Variants in MICU1 observed in about 807,000 individuals in gnomAD.
MICU1 encodes the protein calcium uptake protein 1, mitochondrial.
A neutral mutation model predicts 56.8 loss-of-function variants in MICU1; 45 were observed. That is an observed-to-expected ratio of 0.79 (90% confidence interval 0.62 to 1.02). The LOEUF (loss-of-function observed/expected upper bound fraction) is 1.02, where lower values mean the gene tolerates loss of function less well. MICU1 is among the 50% of genes least tolerant of loss of function. The pLI, the probability that MICU1 is intolerant of heterozygous loss-of-function variation, is 0.00. For missense variants in MICU1, 504 were observed against 587.1 expected, an observed-to-expected ratio of 0.86 and a Z score of 1.46; for synonymous variants, 186 against 195.1, an observed-to-expected ratio of 0.95 and a Z score of 0.39.
At chr10:72,411,352 G>T (rs931738350) in intron 9 of MICU1, among the ~76,000 whole-genome samples, 11 of 151,072 alleles carry the variant, frequency 7.3e-5, no homozygotes, top group Non-Finnish European at 1.5e-4. Flanking sequence ...TTTTGAGACG[G>T]AGTCTCGCTC....
At chr10:72,433,976 T>C (rs1341981247) in intron 8 of MICU1, among the ~76,000 whole-genome samples, 9 of 152,196 alleles carry the variant, frequency 5.9e-5, no homozygotes, top group Non-Finnish European at 1.0e-4. Flanking sequence ...GAATTTGGAA[T>C]AGAATGGGGG....
chr10:72,504,726 C>T (rs1168995674), intron 6 of MICU1, among the ~76,000 whole-genome samples: 1 of 152,076 alleles, frequency 6.6e-6, no homozygotes, highest in East Asian at 1.9e-4. Context: ...ACAAACTATG[C>T]ATCTGACAAT....
chr10:72,452,023 C>G (rs1865315919), intron 8 of MICU1, among the ~76,000 whole-genome samples: 1 of 151,974 alleles, frequency 6.6e-6, no homozygotes. Context: ...TGCCACCATG[C>G]CTGGCTAATT....
chr10:72,531,853 T>C (rs1443501257), intron 5 of MICU1, among the ~76,000 whole-genome samples: 1 of 151,512 alleles, frequency 6.6e-6, no homozygotes, highest in East Asian at 1.9e-4. Flanking sequence ...GATCAAACAA[T>C]AAATGAATTT....
chr10:72,619,339 G>A (rs1842048969), intron 1 of MICU1, among the ~76,000 whole-genome samples: 1 of 152,176 alleles, frequency 6.6e-6, no homozygotes, highest in South Asian at 2.1e-4. Flanking sequence ...CAGCTACTCG[G>A]GAGGCTGAGG....
intron 10 of MICU1, among the ~76,000 whole-genome samples, chr10:72,382,966 T>C (rs540489312): frequency 1.3e-5 from 2 of 152,334 alleles, no homozygotes; most frequent in Non-Finnish European, 2.9e-5. Context: ...TAGCTTTATT[T>C]TAAAAGTTGT....
intron 1 of MICU1, among the ~76,000 whole-genome samples, chr10:72,609,905 C>A (rs1427218232): frequency 6.6e-6 from 1 of 151,224 alleles, no homozygotes. Flanking sequence ...TGTGGTGGTG[C>A]GTGCCTGTAA....
intron 8 of MICU1, among the ~76,000 whole-genome samples, chr10:72,459,268 T>C (rs932855393): frequency 5.9e-5 from 9 of 151,482 alleles, no homozygotes; most frequent in Admixed American, 2.6e-4. Flanking sequence ...GAGGCGGAGG[T>C]TGCAGTGAGC....
chr10:72,612,471 C>T (rs987952681), intron 1 of MICU1, among the ~76,000 whole-genome samples: 2 of 152,004 alleles, frequency 1.3e-5, no homozygotes, highest in African/African-American at 4.8e-5. Flanking sequence ...GGAGTCATGC[C>T]AAGGCTTTGA....
At chr10:72,617,583 G>C (rs753383150) in intron 1 of MICU1, among the ~76,000 whole-genome samples, 9 of 152,136 alleles carry the variant, frequency 5.9e-5, no homozygotes, top group Non-Finnish European at 1.0e-4. Context: ...TAAAATCCCA[G>C]AATTTTGGGA....
At chr10:72,574,135 C>T (rs891311306) in intron 1 of MICU1, among the ~76,000 whole-genome samples, 2 of 152,114 alleles carry the variant, frequency 1.3e-5, no homozygotes, top group African/African-American at 4.8e-5. Flanking sequence ...CAACTATTAC[C>T]CGACACTGTT....
At chr10:72,454,853 C>T (rs1315158123) in intron 8 of MICU1, among the ~76,000 whole-genome samples, 1 of 150,828 alleles carries the variant, frequency 6.6e-6, no homozygotes, top group African/African-American at 2.4e-5. Flanking sequence ...CAAGTTGATA[C>T]ACATCTACTG....
At chr10:72,446,485 C>T (rs1865109350) in intron 8 of MICU1, among the ~76,000 whole-genome samples, 1 of 151,984 alleles carries the variant, frequency 6.6e-6, no homozygotes, top group Middle Eastern at 3.2e-3. Flanking sequence ...TGTCCGCTAC[C>T]ATGCCTGGCT....
At chr10:72,477,025 A>C in intron 7 of MICU1, 149 bp downstream of exon 7, 1 of 534,092 alleles carries the variant, frequency 1.9e-6, no homozygotes, top group Non-Finnish European at 3.2e-6. Context: ...CCACCTGTTC[A>C]AAGAATAATT....
chr10:72,551,467 T>G, intron 3 of MICU1, 126 bp from the exon 4 acceptor site: 1 of 615,100 alleles, frequency 1.6e-6, no homozygotes, highest in Non-Finnish European at 2.4e-6. Context: ...ATTCTATCAT[T>G]TTTTTCTATA....
At chr10:72,523,942 G>A in intron 5 of MICU1, 1 of 1,442,130 alleles carries the variant, frequency 6.9e-7, no homozygotes, top group Non-Finnish European at 9.1e-7. Flanking sequence ...GTCTTTCTAG[G>A]TGTCCCATTT....
chr10:72,442,337 T>C (rs2132186067), intron 8 of MICU1, among the ~76,000 whole-genome samples: 1 of 151,978 alleles, frequency 6.6e-6, no homozygotes, highest in Middle Eastern at 3.4e-3. Context: ...AGAGATAGGG[T>C]TTCACCATGT....
At chr10:72,385,068 C>A (rs560604986) in intron 10 of MICU1, among the ~76,000 whole-genome samples, 2 of 152,146 alleles carry the variant, frequency 1.3e-5, no homozygotes, top group African/African-American at 2.4e-5. Context: ...ATTGAGTCCT[C>A]GATGTAATTC....
At chr10:72,545,008 T>G (rs1839863616) in intron 4 of MICU1, among the ~76,000 whole-genome samples, 1 of 152,236 alleles carries the variant, frequency 6.6e-6, no homozygotes, top group Non-Finnish European at 1.5e-5. Context: ...GGATACAGTA[T>G]GTGTGAAAAA....
Sources: allele counts gnomAD v4.1 joint callset (sites outside exome capture counted in the v4.1 genomes callset), GRCh38; gene constraint gnomAD v4.1.1; transcripts MANE v1.5; gene names NCBI Gene and HGNC (gene_info 2026-07-23, HGNC 2026-07-21).